Variants in ANKRD27 observed in about 807,000 individuals in gnomAD.
The protein encoded by ANKRD27 is ankyrin repeat domain-containing protein 27.
In ANKRD27, 112 loss-of-function variants were observed where a neutral mutation model predicts 129.7. That is an observed-to-expected ratio of 0.86 (90% confidence interval 0.74 to 1.01). ANKRD27 has a LOEUF of 1.01. Among genes scored for constraint, ANKRD27 ranks in the 50% least tolerant of loss-of-function variants. ANKRD27 has a pLI of 0.00. For missense variants in ANKRD27, 1,258 were observed against 1,300.5 expected (o/e 0.97, Z 0.50); for synonymous variants, 516 against 511.2 (o/e 1.01, Z -0.13).
rs1971724652 is a variant in ANKRD27, at chr19:32,605,819, A to G, written c.2493+16T>C. 1 of 1,611,570 alleles carries G rather than the reference A, an allele frequency of 6.2e-7. No homozygotes were observed. The highest frequency in any genetic ancestry group is 1.3e-5 in the African/African-American group (1 of 74,374). ...TGGCGCAGGTGTGTAGAATGAGGAC[A>G]GGAAGGGGCCCTCACCTGTAGCAGC... On this transcript the variant is annotated intron_variant, in intron 24 of 28. Transcript: ENST00000306065.
chr19:32,607,942 T>G, intron 22 of ANKRD27, 110 bp from the exon 23 acceptor site: 2 of 1,103,628 alleles, frequency 1.8e-6, no homozygotes, highest in Non-Finnish European at 2.6e-6. Flanking sequence ...TGCGGGATCA[T>G]GGCGGGATCC....
In ANKRD27 at chr19:32,599,749, T is replaced by C. The variant is rs1971622703; in HGVS notation, c.2874A>G (p.Ala958=). Residue 958 remains alanine, a synonymous_variant, in exon 28 of 29, where the codon GCA becomes GCG. Transcript: ENST00000306065. ...FKGKTSREIM[A]RDRSVPNLTE... is the part of the protein sequence containing the mutation. ...TTAAATTAGGGACACTTCTATCTCT[T>C]GCCATAATCTCCCTTGAAGTCTTTC... is the stretch of plus-strand genomic sequence containing the variant. The C allele has an allele frequency of 6.2e-7, 1 of 1,613,812 alleles. No homozygotes were observed. Among genetic ancestry groups the C allele is most frequent in the Non-Finnish European group, 8.5e-7 (1 of 1,179,986 alleles).
chr19:32,651,531 G>A (rs180900221), intron 2 of ANKRD27, among the ~76,000 whole-genome samples: 5 of 152,162 alleles, frequency 3.3e-5, no homozygotes, highest in East Asian at 3.9e-4. Flanking sequence ...CACCACACCC[G>A]GCTAATTTTT....
intron 15 of ANKRD27, among the ~76,000 whole-genome samples, chr19:32,627,872 G>GA (rs1203681479): frequency 6.6e-6 from 1 of 152,234 alleles, no homozygotes; most frequent in East Asian, 1.9e-4. Context: ...CACGCAGGGG[G>GA]GCTCAGCCAG....
At chr19:32,634,677 A>T (rs555768522) in intron 12 of ANKRD27, among the ~76,000 whole-genome samples, 16 of 152,316 alleles carry the variant, frequency 1.1e-4, no homozygotes, top group African/African-American at 3.8e-4. Flanking sequence ...GCACTTTGGG[A>T]GGCTGAGGCA....
intron 25 of ANKRD27, among the ~76,000 whole-genome samples, chr19:32,603,020 C>T (rs1328956711): frequency 4.6e-5 from 7 of 151,818 alleles, no homozygotes; most frequent in Non-Finnish European, 1.0e-4. Flanking sequence ...ATAAGGAGGC[C>T]AGGCACAGTG....
At position 32,608,170 on chromosome 19, in the gene ANKRD27, A is replaced by ATT. The variant is rs3042665; in HGVS notation, c.2176-340_2176-339dup. 5.2e-3 allele frequency among the ~76,000 whole-genome samples: 722 copies of ATT among 140,140 alleles called. 10 individuals are homozygous for ATT. The highest frequency in any genetic ancestry group is 0.015 in the African/African-American group (542 of 35,804). 91.9% of individuals were successfully genotyped at this position (140,140 alleles called of 152,430 possible). A position where few individuals can be genotyped will look rare whatever the true frequency, so the allele number is the denominator to read the frequency against. On this transcript the variant is annotated intron_variant, in intron 22 of 28. Coordinates refer to ENST00000306065, the MANE Select transcript of ANKRD27 (RefSeq NM_032139.3). ...AGGTGCAAGCCATTGTGCCCAGCTA[A>ATT]TTTTTTTTTTTTTTTTTTTTTGTAG...
rs373402376 is a variant in ANKRD27, at chr19:32,601,407, T to A, written c.2767+608A>T. 1.0e-3 allele frequency among the ~76,000 whole-genome samples: 158 copies of A among 152,090 alleles called. 5 individuals are homozygous for A. The South Asian group carries it at 0.024, about 23-fold the overall frequency. The stretch of plus-strand genomic sequence containing the variant: ...GTCAGGAGATGGAGACCATCCTGGC[T>A]AACACGGTGAAGCCCCTCTCTACTA... On this transcript the variant is annotated intron_variant, in intron 26 of 28. Coordinates refer to ENST00000306065, the MANE Select transcript of ANKRD27 (RefSeq NM_032139.3).
At chr19:32,642,583 CA>C (rs1967222274) in intron 9 of ANKRD27, among the ~76,000 whole-genome samples, 2 of 151,948 alleles carry the variant, frequency 1.3e-5, no homozygotes, top group Non-Finnish European at 2.9e-5. Flanking sequence ...TCTAAAAATA[CA>C]AAAATTAGCA....
At chr19:32,651,239 A>C (rs1487334187) in intron 2 of ANKRD27, among the ~76,000 whole-genome samples, 1 of 152,186 alleles carries the variant, frequency 6.6e-6, no homozygotes, top group Non-Finnish European at 1.5e-5. Context: ...TGGGATCTAA[A>C]GAGCCAGTCC....
At chr19:32,616,161 AGCACTCCAGCCTGG>A (rs1412493159) in intron 21 of ANKRD27, among the ~76,000 whole-genome samples, 11 of 152,010 alleles carry the variant, frequency 7.2e-5, no homozygotes, top group African/African-American at 2.7e-4. Flanking sequence ...ATCACACCAT[AGCACTCCAGCCTGG>A]GCAACAGAGC....
chr19:32,674,871 C>T (rs1445850348), intron 1 of ANKRD27, among the ~76,000 whole-genome samples, 200 bp downstream of exon 1: 1 of 151,984 alleles, frequency 6.6e-6, no homozygotes. Context: ...GCAGGGCGCG[C>T]CGGCTGCGCA....
chr19:32,653,569 G>T (rs983780703), intron 2 of ANKRD27, among the ~76,000 whole-genome samples: 2 of 152,098 alleles, frequency 1.3e-5, no homozygotes, highest in African/African-American at 2.4e-5. Flanking sequence ...GTTGTCACAG[G>T]CCTCTGAAAT....
chr19:32,612,377 T>C (rs528151085), intron 22 of ANKRD27, among the ~76,000 whole-genome samples: 7 of 152,200 alleles, frequency 4.6e-5, no homozygotes, highest in Non-Finnish European at 8.8e-5. Context: ...CAAAAACTAA[T>C]TCTAAAATTG....
intron 4 of ANKRD27, 25 bp from the exon 5 acceptor site, chr19:32,644,504 G>C (rs755828996): frequency 6.2e-7 from 1 of 1,607,068 alleles, no homozygotes; most frequent in African/African-American, 1.3e-5. Flanking sequence ...AACAGGTCAG[G>C]CCGGCTGAAG....
At chr19:32,657,396 A>T (rs11882922) in intron 2 of ANKRD27, among the ~76,000 whole-genome samples, 1,891 of 150,474 alleles carry the variant, frequency 0.013, 50 homozygotes, top group African/African-American at 0.044. Context: ...CCGGAGGTGG[A>T]GGTTGCAGTG....
At chr19:32,644,936 G>A (rs993147776) in intron 4 of ANKRD27, among the ~76,000 whole-genome samples, 2 of 152,162 alleles carry the variant, frequency 1.3e-5, no homozygotes, top group African/African-American at 4.8e-5. Context: ...CTGATCACAG[G>A]TAGGCTGTCT....
intron 12 of ANKRD27, among the ~76,000 whole-genome samples, chr19:32,632,776 C>A (rs974524528): frequency 6.6e-6 from 1 of 152,074 alleles, no homozygotes; most frequent in Non-Finnish European, 1.5e-5. Flanking sequence ...TGCCAGAAAA[C>A]CCCCAAACCC....
chr19:32,666,395 A>C (rs1006759992), intron 1 of ANKRD27: 2 of 152,232 alleles, frequency 1.3e-5, no homozygotes, highest in Admixed American at 6.5e-5. Context: ...TCATGACTGA[A>C]AGGTCTGTGA....
Sources: gnomAD v4.1 joint callset for allele counts (sites outside exome capture counted in the v4.1 genomes callset) on GRCh38, gnomAD v4.1.1 for gene constraint, MANE v1.5 for transcripts, NCBI Gene and HGNC (gene_info 2026-07-23, HGNC 2026-07-21) for gene names.